Variants in TTC21B observed in about 807,000 individuals in gnomAD.
TTC21B encodes tetratricopeptide repeat domain 21B, also known as tetratricopeptide repeat protein 21B.
Under a neutral mutation model 175.1 loss-of-function variants are expected in TTC21B, and 127 were observed. That is an observed-to-expected ratio of 0.73 (90% confidence interval 0.63 to 0.84). The LOEUF is 0.84. TTC21B is among the 40% of genes least tolerant of loss of function. TTC21B has a pLI of 0.00. For synonymous variants in TTC21B, 524 were observed against 524.5 expected, an observed-to-expected ratio of 1.00 and a Z score of 0.01; for missense variants, 1,561 against 1,558.3, an observed-to-expected ratio of 1.00 and a Z score of -0.03.
At chr2:165,950,714 G>A (rs1442458571) in intron 1 of TTC21B, among the ~76,000 whole-genome samples, 1 of 152,112 alleles carries the variant, frequency 6.6e-6, no homozygotes, top group Non-Finnish European at 1.5e-5. Context: ...AGGTTTAAGC[G>A]ATTCTCCTGC....
At chr2:165,898,898 G>A in intron 21 of TTC21B, 131 bp from the exon 22 acceptor site, 1 of 690,300 alleles carries the variant, frequency 1.4e-6, no homozygotes, top group Non-Finnish European at 2.6e-6. Flanking sequence ...ATAAAAAGGA[G>A]GCATTTAAGA....
intron 20 of TTC21B, among the ~76,000 whole-genome samples, chr2:165,900,133 A>G (rs1375670646): frequency 2.0e-5 from 3 of 152,022 alleles, no homozygotes; most frequent in Non-Finnish European, 4.4e-5. Flanking sequence ...CATTGTGAAA[A>G]GAACACTGGT....
chr2:165,913,725 C>T, intron 15 of TTC21B, 79 bp from the exon 16 acceptor site: 1 of 1,254,404 alleles, frequency 8.0e-7, no homozygotes, highest in South Asian at 1.2e-5. Flanking sequence ...AAAAAATAAG[C>T]TCCCTTATTT....
intron 22 of TTC21B, among the ~76,000 whole-genome samples, chr2:165,892,795 T>C (rs1404095900): frequency 6.6e-6 from 1 of 152,206 alleles, no homozygotes; most frequent in Non-Finnish European, 1.5e-5. Context: ...ATAACGGTGA[T>C]GACTTACACA....
intron 18 of TTC21B, among the ~76,000 whole-genome samples, chr2:165,910,942 G>A (rs552259784): frequency 4.6e-5 from 7 of 152,106 alleles, no homozygotes; most frequent in Admixed American, 4.6e-4. Flanking sequence ...AAGGCAAATG[G>A]AATTCATAGG....
chr2:165,902,207 A>G (rs908182739), intron 19 of TTC21B, among the ~76,000 whole-genome samples: 2 of 152,202 alleles, frequency 1.3e-5, no homozygotes, highest in Non-Finnish European at 2.9e-5. Context: ...AACAAATACA[A>G]AGAGGTGGGG....
At position 165,949,785 on chromosome 2, in the gene TTC21B, A is replaced by C. The variant is rs546724918; in HGVS notation, c.22-61T>G. ...TTCTGGTGCTCTGAAATACTCTAAG[A>C]AGCAGATAATAATCTAACATCTAGA... On this transcript the variant is annotated intron_variant, in intron 1 of 28. Transcript: ENST00000243344. 6 of 1,508,506 alleles carry C rather than the reference A, an allele frequency of 4.0e-6. No individual in the cohort carries two copies. The African/African-American group carries it at 5.5e-5, about 14-fold the overall frequency. The allele number at this position is 1,508,506 out of a possible 1,614,324, so 93.4% of individuals were successfully genotyped here.
At chr2:165,906,955 C>CAAAAAAAAAAAAAAAAAA (rs1160627145) in intron 19 of TTC21B, among the ~76,000 whole-genome samples, 2 of 60,268 alleles carry the variant, frequency 3.3e-5, no homozygotes, top group Admixed American at 2.2e-4. Context: ...AACTCCGTCT[C>CAAAAAAAAAAAAAAAAAA]AAAAAAAAAA....
chr2:165,928,086 A>T (rs995322908), intron 11 of TTC21B, among the ~76,000 whole-genome samples: 1 of 152,332 alleles, frequency 6.6e-6, no homozygotes, highest in South Asian at 2.1e-4. Flanking sequence ...ATAGGGTTTC[A>T]TCTTCAATTA....
chr2:165,886,919 C>A (rs1685017488), intron 25 of TTC21B, among the ~76,000 whole-genome samples: 1 of 152,200 alleles, frequency 6.6e-6, no homozygotes, highest in Non-Finnish European at 1.5e-5. Flanking sequence ...CATCCATCTG[C>A]TCCACAAAGC....
At chr2:165,886,392 A>G (rs16851231) in intron 25 of TTC21B, among the ~76,000 whole-genome samples, 2,751 of 152,266 alleles carry the variant, frequency 0.018, 119 homozygotes, top group Admixed American at 0.099. Context: ...AGAAACTTGA[A>G]AAACGGGACC....
intron 19 of TTC21B, among the ~76,000 whole-genome samples, chr2:165,905,794 TCAA>T (rs1254066098): frequency 6.6e-6 from 1 of 152,048 alleles, no homozygotes; most frequent in Non-Finnish European, 1.5e-5. Context: ...CAGAAATCAG[TCAA>T]CAAACCTGAC....
intron 17 of TTC21B, among the ~76,000 whole-genome samples, chr2:165,911,673 T>A (rs1421864907): frequency 5.8e-4 from 88 of 151,456 alleles, no homozygotes; most frequent in African/African-American, 1.9e-3. Flanking sequence ...TATATATTTT[T>A]TTTTTTTGAG....
chr2:165,897,105 C>G (rs896151371), intron 22 of TTC21B, among the ~76,000 whole-genome samples: 1 of 151,882 alleles, frequency 6.6e-6, no homozygotes, highest in African/African-American at 2.4e-5. Flanking sequence ...ACTGTGGAAC[C>G]GCCACACCAG....
chr2:165,882,149 C>T (rs1332719756), intron 26 of TTC21B, among the ~76,000 whole-genome samples: 1 of 152,052 alleles, frequency 6.6e-6, no homozygotes, highest in African/African-American at 2.4e-5. Flanking sequence ...TCTGATTCTC[C>T]CTCTTTTTGT....
At chr2:165,879,722 T>C (rs2105279808) in intron 27 of TTC21B, 1 of 152,268 alleles carries the variant, frequency 6.6e-6, no homozygotes, top group South Asian at 2.1e-4. Context: ...CAAACTTACA[T>C]GGCCATGGCA....
intron 19 of TTC21B, among the ~76,000 whole-genome samples, chr2:165,902,301 A>G (rs1428472951): frequency 1.3e-5 from 2 of 152,246 alleles, no homozygotes; most frequent in African/African-American, 4.8e-5. Context: ...TTTCTGGAAC[A>G]TTGAGATCTT....
intron 12 of TTC21B, among the ~76,000 whole-genome samples, chr2:165,919,824 C>T (rs1184228750): frequency 6.6e-6 from 1 of 152,076 alleles, no homozygotes; most frequent in Non-Finnish European, 1.5e-5. Flanking sequence ...TGTTGTGTCA[C>T]TTATGTTAAC....
At chr2:165,894,697 T>A (rs902852929) in intron 22 of TTC21B, among the ~76,000 whole-genome samples, 4 of 152,192 alleles carry the variant, frequency 2.6e-5, no homozygotes, top group African/African-American at 9.7e-5. Flanking sequence ...GCTGTGTTTT[T>A]AATTGACTTG....
Sources: gnomAD v4.1 joint callset for allele counts (sites outside exome capture counted in the v4.1 genomes callset) on GRCh38, gnomAD v4.1.1 for gene constraint, MANE v1.5 for transcripts, NCBI Gene and HGNC (gene_info 2026-07-23, HGNC 2026-07-21) for gene names.